The following UBXN7 variants were observed in gnomAD, a reference collection of about 807,000 sequenced individuals.
UBXN7 encodes the protein UBX domain protein 7, also known as UBX domain-containing protein 7.
UBXN7 carries 9 observed loss-of-function variants against 58.0 expected under a neutral mutation model. The observed-to-expected ratio is 0.16, with a 90% CI of 0.09 to 0.27. The LOEUF (loss-of-function observed/expected upper bound fraction) is 0.27. UBXN7 is among the 10% of genes least tolerant of loss of function. The pLI is 1.00. For synonymous variants in UBXN7, 208 were observed against 205.0 expected (o/e 1.01, Z -0.12); for missense variants, 328 against 599.6 (o/e 0.55, Z 4.73).
At chr3:196,417,973 A>T (rs192004389) in intron 1 of UBXN7, among the ~76,000 whole-genome samples, 2 of 152,144 alleles carry the variant, frequency 1.3e-5, no homozygotes, top group East Asian at 3.9e-4. Context: ...GATACCTCTT[A>T]ATTAGCAGTT....
chr3:196,367,906 G>C (rs1671838300), intron 8 of UBXN7, 122 bp downstream of exon 8: 3 of 1,346,152 alleles, frequency 2.2e-6, no homozygotes, highest in Non-Finnish European at 2.0e-6. Flanking sequence ...AGATGCTATA[G>C]CCACAGTGAT....
chr3:196,361,996 T>A (rs1462964798), intron 9 of UBXN7, 73 bp from the exon 10 acceptor site: 1 of 1,389,122 alleles, frequency 7.2e-7, no homozygotes, highest in African/African-American at 1.5e-5. Context: ...TTTAAATAAA[T>A]ATGTAAATAA....
chr3:196,369,328 G>T, intron 7 of UBXN7, 93 bp downstream of exon 7: 1 of 1,056,508 alleles, frequency 9.5e-7, no homozygotes, highest in South Asian at 1.4e-5. Flanking sequence ...CTGCAATTCT[G>T]AAAACAGATC....
At position 196,347,823 on chromosome 3, in the gene UBXN7, T is replaced by TC. The variant is rs1473021449; in HGVS notation, c.*8861dup. On this transcript the variant is annotated 3_prime_UTR_variant, in exon 11 of 11. Coordinates refer to ENST00000296328, the MANE Select transcript of UBXN7 (RefSeq NM_015562.2). ...GCTGATGTCTTCAAAAGACTTATCGTCCCACTCCCTTCCCTCCCCCACCCC... is the reference window on the plus strand; with the variant it reads ...GCTGATGTCTTCAAAAGACTTATCGTCCCCACTCCCTTCCCTCCCCCACCCC... 6.6e-6 allele frequency: 1 copy of TC among 152,060 alleles called. No homozygotes were observed. Among genetic ancestry groups the TC allele is most frequent in the Non-Finnish European group, 1.5e-5 (1 of 68,022 alleles). 9.4% of individuals were successfully genotyped at this position (152,060 alleles called of 1,614,324 possible).
In UBXN7 at chr3:196,347,791, A is replaced by C. The variant is rs1309290449; in HGVS notation, c.*8894T>G. ...CCTTGAGTTTGGTCCCTCTCTCAGC[A>C]CAGTGAGCTGATGTCTTCAAAAGAC... On this transcript the variant is annotated 3_prime_UTR_variant, in exon 11 of 11. Transcript: ENST00000296328. The C allele has an allele frequency of 6.6e-6, 1 of 152,170 alleles. No homozygotes were observed. Among genetic ancestry groups the C allele is most frequent in the Non-Finnish European group, 1.5e-5 (1 of 68,026 alleles). 9.4% of individuals were successfully genotyped at this position (152,170 alleles called of 1,614,324 possible). A position where few individuals can be genotyped will look rare whatever the true frequency, so the allele number is the denominator to read the frequency against.
chr3:196,367,879 T>C lies in UBXN7; in HGVS notation c.834+149A>G, dbSNP rs1488596327. On this transcript the variant is annotated intron_variant, in intron 8 of 10. Transcript: ENST00000296328. ...ACTCTCATGTGGGAAATTATCAAAATATAAGGAGGATATCTAAGATGCTAT... is the reference window on the plus strand; with the variant it reads ...ACTCTCATGTGGGAAATTATCAAAACATAAGGAGGATATCTAAGATGCTAT... 5.4e-6 allele frequency: 6 copies of C among 1,110,942 alleles called. No individual in the cohort carries two copies. In the African/African-American group the frequency reaches 9.6e-5, roughly 18 times the overall value. The allele number at this position is 1,110,942 out of a possible 1,614,324, so 68.8% of individuals were successfully genotyped here.
chr3:196,429,794 T>C (rs1362846088), intron 1 of UBXN7, among the ~76,000 whole-genome samples: 4 of 152,192 alleles, frequency 2.6e-5, no homozygotes, highest in African/African-American at 9.7e-5. Context: ...ATTCACAATA[T>C]TTGAAGAACA....
chr3:196,408,156 G>C (rs1259487555), intron 1 of UBXN7, among the ~76,000 whole-genome samples: 1 of 149,270 alleles, frequency 6.7e-6, no homozygotes, highest in Non-Finnish European at 1.5e-5. Context: ...AAGTGAGATG[G>C]AACATTTTTT....
intron 5 of UBXN7, among the ~76,000 whole-genome samples, chr3:196,377,172 A>G (rs1011817737): frequency 1.3e-5 from 2 of 152,230 alleles, no homozygotes; most frequent in African/African-American, 4.8e-5. Flanking sequence ...GTGGACACAC[A>G]ACAGTCAAGA....
intron 3 of UBXN7, among the ~76,000 whole-genome samples, chr3:196,401,617 G>A (rs529927623): frequency 2.5e-4 from 37 of 150,414 alleles, no homozygotes; most frequent in African/African-American, 8.8e-4. Flanking sequence ...GGTTGAGGGT[G>A]GAGGGCGAGG....
intron 1 of UBXN7, among the ~76,000 whole-genome samples, chr3:196,409,560 G>A (rs915626115): frequency 1.3e-5 from 2 of 152,062 alleles, no homozygotes; most frequent in African/African-American, 4.8e-5. Context: ...GACTTTGCAA[G>A]GCACCCACAG....
At chr3:196,387,194 T>G (rs973097777) in intron 5 of UBXN7, among the ~76,000 whole-genome samples, 1 of 152,192 alleles carries the variant, frequency 6.6e-6, no homozygotes, top group Non-Finnish European at 1.5e-5. Flanking sequence ...GGGAAAGGAT[T>G]CCCTATTTAA....
At chr3:196,398,514 T>C (rs1364783307) in intron 3 of UBXN7, among the ~76,000 whole-genome samples, 1 of 152,206 alleles carries the variant, frequency 6.6e-6, no homozygotes, top group Non-Finnish European at 1.5e-5. Context: ...ATTTTAAAAA[T>C]CATCTGTTTC....
chr3:196,359,327 T>C (rs1304046626), intron 10 of UBXN7, among the ~76,000 whole-genome samples: 2 of 152,172 alleles, frequency 1.3e-5, no homozygotes, highest in African/African-American at 2.4e-5. Flanking sequence ...ATGGGAGTTT[T>C]CCCATCTCTC....
intron 1 of UBXN7, among the ~76,000 whole-genome samples, chr3:196,408,062 C>T (rs921315210): frequency 1.4e-5 from 2 of 140,880 alleles, no homozygotes; most frequent in Non-Finnish European, 3.0e-5. Flanking sequence ...CACGCCACTG[C>T]ACTCCAGCCT....
rs1728318605 is a variant in UBXN7 at position 196,355,450 on chromosome 3, A to G, written c.*1235T>C. On this transcript the variant is annotated 3_prime_UTR_variant, in exon 11 of 11. Transcript: ENST00000296328. ...TTTGTTGGCAGAAAAAGCCCAAGACATCTGAAAATTACTAGTAACCTCCGC... is the reference window on the plus strand; with the variant it reads ...TTTGTTGGCAGAAAAAGCCCAAGACGTCTGAAAATTACTAGTAACCTCCGC... The G allele has an allele frequency of 6.6e-6, 1 of 152,230 alleles. No individual in the cohort carries two copies. Among genetic ancestry groups the G allele is most frequent in the African/African-American group, 2.4e-5 (1 of 41,460 alleles). 9.4% of individuals were successfully genotyped at this position (152,230 alleles called of 1,614,324 possible).
intron 4 of UBXN7, among the ~76,000 whole-genome samples, chr3:196,393,000 T>C (rs970054224): frequency 1.3e-5 from 2 of 152,058 alleles, no homozygotes; most frequent in African/African-American, 4.8e-5. Context: ...TCAAGCATGG[T>C]CCAAGGGTTT....
rs1056869524 is a variant in UBXN7, at chr3:196,363,261, T to C, written c.835-574A>G. The stretch of plus-strand genomic sequence containing the variant: ...ATACATACATACATAAATATATATA[T>C]ACACATATTTTTTTTTCTTTCTTTT... On this transcript the variant is annotated intron_variant, in intron 8 of 10. Coordinates refer to ENST00000296328, the MANE Select transcript of UBXN7 (RefSeq NM_015562.2). Among the ~76,000 whole-genome samples the C allele has an allele frequency of 1.5e-4, 23 of 151,582 alleles. No homozygotes were observed. The East Asian group carries it at 1.8e-3, about 12-fold the overall frequency.
chr3:196,372,499 G>A (rs1244514775), intron 5 of UBXN7, among the ~76,000 whole-genome samples: 10 of 151,776 alleles, frequency 6.6e-5, no homozygotes, highest in African/African-American at 1.5e-4. Context: ...GCCCCAACAC[G>A]CCTGGCTGAT....
Sources: allele counts gnomAD v4.1 joint callset (sites outside exome capture counted in the v4.1 genomes callset), GRCh38; gene constraint gnomAD v4.1.1; transcripts MANE v1.5; gene names NCBI Gene and HGNC (gene_info 2026-07-23, HGNC 2026-07-21).